Variants in RNASE10 observed in about 807,000 individuals in gnomAD.
The protein encoded by RNASE10 is ribonuclease A family member 10 (inactive), also known as inactive ribonuclease-like protein 10.
A neutral mutation model predicts 1.1 loss-of-function variants in RNASE10; 2 were observed. The observed-to-expected ratio is 1.82, with a 90% confidence interval of 0.74 to 5.73. RNASE10 has a LOEUF of 5.73. RNASE10 is among the 30% of genes most tolerant of loss of function. The probability of loss-of-function intolerance (pLI) is 0.05; values close to 1 mark genes in which losing one functional copy is unlikely to be tolerated. For missense variants in RNASE10, 276 were observed against 263.4 expected, an observed-to-expected ratio of 1.05 and a Z score of -0.33; for synonymous variants, 97 against 96.2, an observed-to-expected ratio of 1.01 and a Z score of -0.05.
upstream of RNASE10, among the ~76,000 whole-genome samples, chr14:20,504,343 C>T (rs28377567): frequency 0.2 from 31,159 of 152,086 alleles, 3,706 homozygotes; most frequent in African/African-American, 0.31. Flanking sequence ...GCTGCTTATG[C>T]ATGTACGTAA....
At chr14:20,506,511 G>A (rs1371199155) in intron 1 of RNASE10, among the ~76,000 whole-genome samples, 2 of 126,164 alleles carry the variant, frequency 1.6e-5, no homozygotes, top group East Asian at 2.3e-4. Flanking sequence ...CCCCCCGCCC[G>A]GCCAGCCGCC....
exon 2 of RNASE10, chr14:20,510,591 G>A (rs373015838): frequency 3.1e-5 from 50 of 1,614,006 alleles, no homozygotes; most frequent in Non-Finnish European, 3.6e-5. Flanking sequence ...GTGATCAACC[G>A]CTCAATGAAT....
chr14:20,511,061 T>A, exon 2 of RNASE10: 1 of 1,525,970 alleles, frequency 6.6e-7, no homozygotes, highest in Admixed American at 2.2e-5. Flanking sequence ...ACTTCTGTTA[T>A]AAAAAAGCAC....
At chr14:20,506,459 C>A (rs1882722143) in intron 1 of RNASE10, among the ~76,000 whole-genome samples, 1 of 132,212 alleles carries the variant, frequency 7.6e-6, no homozygotes, top group Non-Finnish European at 1.7e-5. Flanking sequence ...AGCCCCCTGC[C>A]CGGCCAGCCG....
chr14:20,512,906 G>A (rs143404157), downstream of RNASE10, among the ~76,000 whole-genome samples: 302 of 152,262 alleles, frequency 2.0e-3, 1 homozygote, highest in African/African-American at 6.9e-3. Context: ...GAAATAGGAT[G>A]GGAAGAGGGG....
At chr14:20,506,942 G>T (rs1882749984) in intron 1 of RNASE10, among the ~76,000 whole-genome samples, 3 of 141,836 alleles carry the variant, frequency 2.1e-5, no homozygotes, top group African/African-American at 8.4e-5. Flanking sequence ...AGGGGGGAGG[G>T]GGGGTCAGCC....
chr14:20,505,735 C>T (rs1252061177), exon 1 of RNASE10: 16 of 104,604 alleles, frequency 1.5e-4, no homozygotes, highest in Non-Finnish European at 2.5e-4. Context: ...CTGGCCGCCA[C>T]CCCGTCTGGG....
chr14:20,513,367 C>T (rs139582181), downstream of RNASE10, among the ~76,000 whole-genome samples: 391 of 152,232 alleles, frequency 2.6e-3, no homozygotes, highest in Middle Eastern at 0.01. Flanking sequence ...GTGGGGACCT[C>T]ACCTCCCAGG....
intron 1 of RNASE10, among the ~76,000 whole-genome samples, chr14:20,506,712 G>A (rs1471831634): frequency 6.3e-4 from 77 of 121,980 alleles, no homozygotes; most frequent in Middle Eastern, 5.3e-3. Flanking sequence ...CGGGAGGGAG[G>A]TGGGGGGGTC....
At position 20,510,658 on chromosome 14, in the gene RNASE10, C is replaced by T; in HGVS notation, c.271C>T (p.Gln91Ter). Residue 91 changes from glutamine to a stop codon, truncating the protein, a stop_gained, in exon 2 of 2, where the codon CAA becomes TAA. Coordinates refer to ENST00000430083, the Ensembl canonical transcript of RNASE10. LOFTEE classifies it low-confidence loss of function (END_TRUNC). ...GGCCACTGAGGAGGGAGACGGCACC[C>T]AAACCACAGAAACGCTGGTGCTTAG... 3.1e-6 allele frequency: 5 copies of T among 1,614,194 alleles called. No individual in the cohort carries two copies. The highest frequency in any genetic ancestry group is 4.2e-6 in the Non-Finnish European group (5 of 1,180,034).
At chr14:20,508,031 T>A (rs544859661) in intron 1 of RNASE10, among the ~76,000 whole-genome samples, 2 of 152,310 alleles carry the variant, frequency 1.3e-5, no homozygotes, top group South Asian at 4.1e-4. Context: ...ATTGCAGGCA[T>A]GAGCCACTGC....
In RNASE10 at chr14:20,511,006, G is replaced by C. The variant is rs754479311; in HGVS notation, c.619G>C (p.Glu207Gln). 1.2e-5 allele frequency: 19 copies of C among 1,596,702 alleles called. 1 individual carries two copies. The South Asian group carries it at 2.1e-4, about 18-fold the overall frequency. Residue 207 changes from glutamate to glutamine, a missense_variant, in exon 2 of 2, where the codon GAG becomes CAG. By Grantham distance (29) the Glu-to-Gln change is conservative. Coordinates refer to ENST00000430083, the Ensembl canonical transcript of RNASE10. The stretch of plus-strand genomic sequence containing the variant: ...CCGACCTTTTGATTTGACATTGTGC[G>C]AGCTGTCCCAACCAGACCAGGTCAC...
intron 1 of RNASE10, among the ~76,000 whole-genome samples, chr14:20,508,860 A>G (rs899831145): frequency 1.3e-5 from 2 of 152,164 alleles, no homozygotes; most frequent in African/African-American, 4.8e-5. Context: ...AGGGCCTTAG[A>G]CATTCACTGG....
chr14:20,504,561 G>A (rs563804661), upstream of RNASE10, among the ~76,000 whole-genome samples: 24 of 150,454 alleles, frequency 1.6e-4, no homozygotes, highest in East Asian at 1.2e-3. Flanking sequence ...GGTGGCGGGC[G>A]CCTGTAGTCC....
In RNASE10 at chr14:20,509,160, G is replaced by A. The variant is rs754034472; in HGVS notation, c.80-1307G>A. Among the ~76,000 whole-genome samples the A allele has an allele frequency of 3.9e-5, 6 of 152,162 alleles. No homozygotes were observed. The South Asian group carries it at 6.2e-4, about 16-fold the overall frequency. On this transcript the variant is annotated intron_variant, in intron 1 of 1. Transcript: ENST00000430083. Reference sequence around the variant, plus strand: ...CTTCTCACGGGTTCAAGCAATTCTCGTGTCTCAGCTTCCCCAGTGGCTGGG... The same window carrying A: ...CTTCTCACGGGTTCAAGCAATTCTCATGTCTCAGCTTCCCCAGTGGCTGGG...
intron 1 of RNASE10, among the ~76,000 whole-genome samples, chr14:20,508,041 C>T (rs1031870776): frequency 6.6e-6 from 1 of 152,140 alleles, no homozygotes; most frequent in African/African-American, 2.4e-5. Context: ...TGAGCCACTG[C>T]GCCCAGGCCC....
At chr14:20,506,898 G>A (rs1397390203) in intron 1 of RNASE10, among the ~76,000 whole-genome samples, 1 of 132,430 alleles carries the variant, frequency 7.6e-6, no homozygotes, top group Admixed American at 7.4e-5. Flanking sequence ...GGGAAGTGAG[G>A]AGCCCCTCTG....
downstream of RNASE10, chr14:20,511,229 T>A: frequency 1.0e-6 from 1 of 963,332 alleles, no homozygotes; most frequent in Non-Finnish European, 1.4e-6. Flanking sequence ...CAGATGGAAT[T>A]CTTCCTTGCC....
intron 1 of RNASE10, among the ~76,000 whole-genome samples, chr14:20,506,256 T>A (rs1882711389): frequency 8.8e-6 from 1 of 113,762 alleles, no homozygotes; most frequent in African/African-American, 3.5e-5. Flanking sequence ...CGGCCGCCCC[T>A]ACTGGGAAGT....
Sources: gnomAD v4.1 joint callset for allele counts (sites outside exome capture counted in the v4.1 genomes callset) on GRCh38, gnomAD v4.1.1 for gene constraint, MANE v1.5 for transcripts, NCBI Gene and HGNC (gene_info 2026-07-23, HGNC 2026-07-21) for gene names.